NKAIN3: variants seen among roughly 807,000 people sequenced by gnomAD.
NKAIN3 encodes sodium/potassium transporting ATPase interacting 3, also known as sodium/potassium-transporting ATPase subunit beta-1-interacting protein 3.
In NKAIN3, 25 loss-of-function variants were observed where a neutral mutation model predicts 30.2. The ratio of observed to expected loss-of-function variants is 0.83; its 90% confidence interval spans 0.60 to 1.16. NKAIN3 has a LOEUF of 1.16. NKAIN3 is among the 50% of genes most tolerant of loss of function. The pLI, the probability that NKAIN3 is intolerant of heterozygous loss-of-function variation, is 0.00. For synonymous variants in NKAIN3, 91 were observed against 89.6 expected, an observed-to-expected ratio of 1.02 and a Z score of -0.09; for missense variants, 225 against 254.1, an observed-to-expected ratio of 0.89 and a Z score of 0.78.
chr8:62,692,049 T>C (rs915310975), intron 3 of NKAIN3, among the ~76,000 whole-genome samples: 8 of 152,196 alleles, frequency 5.3e-5, no homozygotes, highest in African/African-American at 1.9e-4. Context: ...TTTCTCGGCA[T>C]AATCTTCCAG....
intron 4 of NKAIN3, among the ~76,000 whole-genome samples, chr8:62,791,478 A>G (rs1385589942): frequency 6.6e-6 from 1 of 152,146 alleles, no homozygotes; most frequent in Non-Finnish European, 1.5e-5. Flanking sequence ...TAAATGACTC[A>G]GGCTGGTGTG....
chr8:62,558,397 T>C (rs1482528537), intron 1 of NKAIN3, among the ~76,000 whole-genome samples: 1 of 152,150 alleles, frequency 6.6e-6, no homozygotes, highest in Admixed American at 6.6e-5. Flanking sequence ...GAGGGCTCTT[T>C]TTTGGTTCCA....
intron 4 of NKAIN3, among the ~76,000 whole-genome samples, chr8:62,804,753 C>A (rs374432612): frequency 4.6e-5 from 7 of 152,084 alleles, no homozygotes; most frequent in African/African-American, 1.4e-4. Context: ...GACAGGGATG[C>A]CCTCTCTCAC....
intron 1 of NKAIN3, among the ~76,000 whole-genome samples, chr8:62,333,866 T>C (rs887196775): frequency 6.6e-6 from 1 of 152,096 alleles, no homozygotes; most frequent in African/African-American, 2.4e-5. Flanking sequence ...TGCTGGCAAG[T>C]AGTGGCATTG....
intron 1 of NKAIN3, among the ~76,000 whole-genome samples, chr8:62,365,139 G>A (rs951796948): frequency 2.0e-5 from 3 of 151,766 alleles, no homozygotes; most frequent in Admixed American, 1.3e-4. Flanking sequence ...TTTAATATTG[G>A]GAAGTTAGCT....
rs148383242 is a variant in NKAIN3 at position 62,768,343 on chromosome 8, G to A, written c.471+21214G>A. On this transcript the variant is annotated intron_variant, in intron 4 of 6. Coordinates refer to ENST00000623646, the MANE Select transcript of NKAIN3 (RefSeq NM_001304533.3). The stretch of plus-strand genomic sequence containing the variant: ...GACATCACAGACATTTTTGACTCCC[G>A]CTCTGCTGACAGGATACGCTATTTG... Among the ~76,000 whole-genome samples the A allele has an allele frequency of 4.5e-3, 689 of 152,192 alleles. 2 individuals are homozygous for A. Among genetic ancestry groups the A allele is most frequent in the Admixed American group, 7.8e-3 (119 of 15,284 alleles).
rs534526389 is a variant in NKAIN3 at position 62,894,735 on chromosome 8, C to T, written c.472-23718C>T. Among the ~76,000 whole-genome samples the T allele has an allele frequency of 7.3e-4, 111 of 152,238 alleles. 1 individual carries two copies. The highest frequency in any genetic ancestry group is 1.7e-3 in the South Asian group (8 of 4,828). On this transcript the variant is annotated intron_variant, in intron 4 of 6. Coordinates refer to ENST00000623646, the MANE Select transcript of NKAIN3 (RefSeq NM_001304533.3). ...ACTTAGAAGGTATAGATTTGTTTTT[C>T]TCTCATGTCGAAGAGGTCTGGAGGC...
chr8:62,740,113 A>G (rs1815818367), intron 3 of NKAIN3, among the ~76,000 whole-genome samples: 1 of 152,194 alleles, frequency 6.6e-6, no homozygotes, highest in African/African-American at 2.4e-5. Context: ...GCTCTTTATT[A>G]TATAGATCCA....
chr8:62,546,471 G>A (rs994251285), intron 1 of NKAIN3, among the ~76,000 whole-genome samples: 1 of 152,272 alleles, frequency 6.6e-6, no homozygotes, highest in East Asian at 1.9e-4. Flanking sequence ...ACTCATAATT[G>A]CAAGCTTGCT....
intron 4 of NKAIN3, among the ~76,000 whole-genome samples, chr8:62,833,912 C>T (rs1600541): frequency 0.82 from 125,358 of 152,012 alleles, 51,808 homozygotes; most frequent in South Asian, 0.88. Flanking sequence ...AGAACATAGA[C>T]AGAAAAATAC....
chr8:62,941,152 A>G (rs2130882958), intron 5 of NKAIN3, among the ~76,000 whole-genome samples: 1 of 152,176 alleles, frequency 6.6e-6, no homozygotes, highest in Middle Eastern at 3.4e-3. Context: ...AAACCTAGAG[A>G]AGACGGATAA....
At chr8:62,593,545 C>A (rs1810723579) in intron 3 of NKAIN3, among the ~76,000 whole-genome samples, 1 of 150,982 alleles carries the variant, frequency 6.6e-6, no homozygotes. Flanking sequence ...TAAGGTTGAT[C>A]CAAAAAAAGA....
At chr8:62,378,701 G>T (rs1817175732) in intron 1 of NKAIN3, among the ~76,000 whole-genome samples, 1 of 152,194 alleles carries the variant, frequency 6.6e-6, no homozygotes, top group Non-Finnish European at 1.5e-5. Flanking sequence ...GACAAGAATT[G>T]AGGTTGGGGA....
At chr8:62,321,163 T>C (rs1563932659) in intron 1 of NKAIN3, among the ~76,000 whole-genome samples, 1 of 152,210 alleles carries the variant, frequency 6.6e-6, no homozygotes, top group African/African-American at 2.4e-5. Context: ...GTACTTCTCA[T>C]GCCATGGTTT....
chr8:62,675,143 A>G (rs1813435263), intron 3 of NKAIN3, among the ~76,000 whole-genome samples: 1 of 152,204 alleles, frequency 6.6e-6, no homozygotes, highest in East Asian at 1.9e-4. Flanking sequence ...TATGTAACCT[A>G]CCTATCTTAA....
chr8:62,669,152 A>G (rs1177069401), intron 3 of NKAIN3, among the ~76,000 whole-genome samples: 1 of 152,148 alleles, frequency 6.6e-6, no homozygotes, highest in African/African-American at 2.4e-5. Flanking sequence ...CCAGCCAATG[A>G]CTGAGCATGA....
At position 62,913,763 on chromosome 8, in the gene NKAIN3, A is replaced by C. The variant is rs190410392; in HGVS notation, c.472-4690A>C. ...TCTTAGTACAAGCTCCCTGTCAAGT[A>C]CAATGCAAAATAAAAACAACAATGA... On this transcript the variant is annotated intron_variant, in intron 4 of 6. Transcript: ENST00000623646. Among the ~76,000 whole-genome samples the C allele has an allele frequency of 2.9e-4, 44 of 152,352 alleles. No individual in the cohort carries two copies. The East Asian group carries it at 6.9e-3, about 24-fold the overall frequency.
intron 3 of NKAIN3, among the ~76,000 whole-genome samples, chr8:62,706,663 A>G (rs1273295175): frequency 6.6e-6 from 1 of 152,068 alleles, no homozygotes; most frequent in African/African-American, 2.4e-5. Flanking sequence ...AAAATGGCAT[A>G]TTTTTAATAT....
rs1395140874 is a variant in NKAIN3, at chr8:62,975,090, G to A, written c.*9683G>A. The stretch of plus-strand genomic sequence containing the variant: ...GTGTTTCATTGGGGATTTTCACATA[G>A]ATGTTCATCAGGGATATTGGCCTGA... On this transcript the variant is annotated 3_prime_UTR_variant, in exon 7 of 7. Transcript: ENST00000623646. 3.3e-5 allele frequency among the ~76,000 whole-genome samples: 5 copies of A among 152,144 alleles called. No homozygotes were observed. The highest frequency in any genetic ancestry group is 5.9e-5 in the Non-Finnish European group (4 of 68,018).
Sources: gnomAD v4.1 joint callset for allele counts (sites outside exome capture counted in the v4.1 genomes callset) on GRCh38, gnomAD v4.1.1 for gene constraint, MANE v1.5 for transcripts, NCBI Gene and HGNC (gene_info 2026-07-23, HGNC 2026-07-21) for gene names.